Variants in SMARCA2 observed in about 807,000 individuals in gnomAD.
The protein encoded by SMARCA2 is SWI/SNF-related matrix-associated actin-dependent regulator of chromatin subfamily A member 2.
In SMARCA2, 61 loss-of-function variants were observed where a neutral mutation model predicts 199.8. The observed-to-expected ratio is 0.31, with a 90% CI of 0.25 to 0.38. The LOEUF (loss-of-function observed/expected upper bound fraction) is 0.38. SMARCA2 is among the 10% of genes least tolerant of loss of function. The pLI is 1.00. For missense variants in SMARCA2, 1,344 were observed against 2,012.2 expected, an observed-to-expected ratio of 0.67 and a Z score of 6.35; for synonymous variants, 935 against 732.0, an observed-to-expected ratio of 1.28 and a Z score of -4.48.
chr9:2,187,081 T>G (rs990711590), intron 32 of SMARCA2, among the ~76,000 whole-genome samples: 7 of 152,154 alleles, frequency 4.6e-5, no homozygotes, highest in South Asian at 2.1e-4. Context: ...AGAAAATAAT[T>G]GTCAAACTGA....
At chr9:2,019,914 A>C (rs1369908582) in intron 1 of SMARCA2, among the ~76,000 whole-genome samples, 1 of 152,098 alleles carries the variant, frequency 6.6e-6, no homozygotes, top group Non-Finnish European at 1.5e-5. Flanking sequence ...AGAAATAATA[A>C]ATCACTATTT....
chr9:2,046,105 C>G (rs10964546), intron 4 of SMARCA2: 2 of 152,022 alleles, frequency 1.3e-5, no homozygotes, highest in East Asian at 3.9e-4. Context: ...GCTATTTTTT[C>G]TTAGAAAGGA....
chr9:2,120,647 G>A (rs897123309), intron 26 of SMARCA2, among the ~76,000 whole-genome samples: 1 of 152,130 alleles, frequency 6.6e-6, no homozygotes, highest in African/African-American at 2.4e-5. Flanking sequence ...GGTTTTGTGT[G>A]TGTGGCTTTT....
intron 2 of SMARCA2, among the ~76,000 whole-genome samples, chr9:2,029,470 C>T (rs1818968956): frequency 6.6e-6 from 1 of 152,204 alleles, no homozygotes; most frequent in East Asian, 1.9e-4. Flanking sequence ...AAAATACTGA[C>T]ATAGACTATG....
chr9:2,181,704 C>A, intron 30 of SMARCA2, 28 bp downstream of exon 30: 2 of 1,126,782 alleles, frequency 1.8e-6, no homozygotes, highest in South Asian at 1.2e-5. Context: ...CAACTTTATT[C>A]TTCAAGTAAA....
chr9:2,062,627 C>T (rs1441838084), intron 9 of SMARCA2, among the ~76,000 whole-genome samples: 1 of 152,178 alleles, frequency 6.6e-6, no homozygotes, highest in Non-Finnish European at 1.5e-5. Context: ...ACGCCCCTTT[C>T]AAACCCTTGC....
chr9:2,095,828 C>T (rs1350389251), intron 19 of SMARCA2, among the ~76,000 whole-genome samples: 1 of 152,128 alleles, frequency 6.6e-6, no homozygotes, highest in Non-Finnish European at 1.5e-5. Context: ...TATTTCTAGG[C>T]ATTAATCTGA....
intron 28 of SMARCA2, among the ~76,000 whole-genome samples, chr9:2,168,007 T>G (rs1000193779): frequency 2.0e-5 from 3 of 150,988 alleles, no homozygotes; most frequent in African/African-American, 4.9e-5. Flanking sequence ...AATATTTACC[T>G]GGGGAAATGA....
At position 2,058,373 on chromosome 9, in the gene SMARCA2, C is replaced by G. The variant is rs774448114; in HGVS notation, c.1430C>G (p.Ser477Cys). The G allele has an allele frequency of 8.1e-6, 13 of 1,613,968 alleles. No individual in the cohort carries two copies. Among genetic ancestry groups the G allele is most frequent in the Non-Finnish European group, 1.1e-5 (13 of 1,179,976 alleles). The part of the protein sequence containing the change: ...RSVAGKIQKL[S>C]KAVATWHANT... ...GTGGCCGGAAAGATCCAGAAGCTCTCCAAAGCAGTGGCAACTTGGCATGCC... is the reference window on the plus strand; with the variant it reads ...GTGGCCGGAAAGATCCAGAAGCTCTGCAAAGCAGTGGCAACTTGGCATGCC... Residue 477 changes from serine (S) to cysteine (C), a missense_variant, in exon 8 of 34, where the codon TCC becomes TGC. By Grantham distance (112) the Ser-to-Cys change is moderately radical. Coordinates refer to ENST00000349721, the MANE Select transcript of SMARCA2 (RefSeq NM_003070.5).
intron 5 of SMARCA2, among the ~76,000 whole-genome samples, chr9:2,050,171 C>T (rs1820052103): frequency 6.6e-6 from 1 of 152,106 alleles, no homozygotes; most frequent in African/African-American, 2.4e-5. Flanking sequence ...TAAATGTCTG[C>T]CTATGAGCAC....
At chr9:2,038,454 T>C (rs758137403) in intron 3 of SMARCA2, among the ~76,000 whole-genome samples, 16 of 152,140 alleles carry the variant, frequency 1.1e-4, no homozygotes, top group Non-Finnish European at 2.1e-4. Flanking sequence ...CTTTCCCACA[T>C]AATGGCAAAG....
At chr9:2,087,799 G>C (rs1273094805) in intron 18 of SMARCA2, among the ~76,000 whole-genome samples, 1 of 152,146 alleles carries the variant, frequency 6.6e-6, no homozygotes. Context: ...TGAATTATTT[G>C]GCCCTTTGAT....
Position 2,112,491 on chromosome 9 carries a change from C to T in SMARCA2, c.3456+2074C>T, listed in dbSNP as rs572601523. Among the ~76,000 whole-genome samples, 24 of 150,086 alleles carry T rather than the reference C, an allele frequency of 1.6e-4. 1 individual carries two copies. The South Asian group carries it at 4.4e-3, about 28-fold the overall frequency. ...CACCCCGCCTCTCATTTTTTTTTTT[C>T]GTACTTTCTCTCTAGCTCTGTTAAA... On this transcript the variant is annotated intron_variant, in intron 24 of 33. Coordinates refer to ENST00000349721, the MANE Select transcript of SMARCA2 (RefSeq NM_003070.5).
chr9:2,030,295 A>G (rs1232934377), intron 2 of SMARCA2, among the ~76,000 whole-genome samples: 1 of 152,180 alleles, frequency 6.6e-6, no homozygotes, highest in Admixed American at 6.5e-5. Flanking sequence ...ACCCAGCAGA[A>G]CCTGTGGTAT....
intron 20 of SMARCA2, 97 bp downstream of exon 20, chr9:2,096,861 A>T: frequency 1.3e-6 from 1 of 795,894 alleles, no homozygotes; most frequent in Non-Finnish European, 2.2e-6. Context: ...GCTAATGCTG[A>T]TTTGTTAAAG....
At chr9:2,137,461 A>G (rs1824252174) in intron 27 of SMARCA2, among the ~76,000 whole-genome samples, 1 of 151,424 alleles carries the variant, frequency 6.6e-6, no homozygotes, top group Non-Finnish European at 1.5e-5. Context: ...GCTCCACTGA[A>G]CTCTCCTTCT....
intron 13 of SMARCA2, among the ~76,000 whole-genome samples, chr9:2,077,415 C>T (rs527300344): frequency 2.0e-5 from 3 of 152,298 alleles, no homozygotes; most frequent in African/African-American, 7.2e-5. Context: ...GGTTCTCCAC[C>T]TGCATAAAAT....
chr9:2,125,231 C>A (rs7048496), intron 27 of SMARCA2, among the ~76,000 whole-genome samples: 48,844 of 152,020 alleles, frequency 0.32, 13,471 homozygotes, highest in African/African-American at 0.75. Flanking sequence ...GTGGTTGAAC[C>A]GTTGTGTATA....
Position 2,139,195 on chromosome 9 carries a change from C to T in SMARCA2, c.3981+15258C>T, listed in dbSNP as rs981405893. Among the ~76,000 whole-genome samples, 9 of 152,264 alleles carry T rather than the reference C, an allele frequency of 5.9e-5. No individual in the cohort carries two copies. The East Asian group carries it at 7.7e-4, about 13-fold the overall frequency. ...CTGCACAAAGCCAGGCCACTGAGACCGTGGCATTGCGGTAAAGAAAGAGTT... is the reference window on the plus strand; with the variant it reads ...CTGCACAAAGCCAGGCCACTGAGACTGTGGCATTGCGGTAAAGAAAGAGTT... On this transcript the variant is annotated intron_variant, in intron 27 of 33. Transcript: ENST00000349721.
Sources: allele counts gnomAD v4.1 joint callset (sites outside exome capture counted in the v4.1 genomes callset), GRCh38; gene constraint gnomAD v4.1.1; transcripts MANE v1.5; gene names NCBI Gene and HGNC (gene_info 2026-07-23, HGNC 2026-07-21).